CSGALNACT1: variants seen among roughly 807,000 people sequenced by gnomAD.
CSGALNACT1 encodes beta4GalNAcT-1.
Under a neutral mutation model 51.0 loss-of-function variants are expected in CSGALNACT1, and 52 were observed. The ratio of observed to expected loss-of-function variants is 1.02; its 90% CI spans 0.82 to 1.29. The LOEUF is 1.29. Ranked by LOEUF, CSGALNACT1 falls within the 50% of genes most tolerant of loss-of-function variation. The pLI is 0.00. For missense variants in CSGALNACT1, 935 were observed against 679.2 expected, an observed-to-expected ratio of 1.38 and a Z score of -4.19; for synonymous variants, 341 against 254.4, an observed-to-expected ratio of 1.34 and a Z score of -3.24.
intron 4 of CSGALNACT1, among the ~76,000 whole-genome samples, chr8:19,460,816 T>C (rs932747406): frequency 6.6e-5 from 10 of 152,204 alleles, no homozygotes; most frequent in African/African-American, 2.4e-4. Flanking sequence ...CTCTTCTCTG[T>C]TTTTTGCCTT....
Position 19,455,906 on chromosome 8 carries a change from G to C in CSGALNACT1, c.851+2520C>G, listed in dbSNP as rs2063986611. 2.0e-5 allele frequency among the ~76,000 whole-genome samples: 3 copies of C among 152,328 alleles called. No homozygotes were observed. The South Asian group carries it at 6.2e-4, about 32-fold the overall frequency. On this transcript the variant is annotated intron_variant, in intron 5 of 9. Coordinates refer to ENST00000454498, the Ensembl canonical transcript of CSGALNACT1. The stretch of plus-strand genomic sequence containing the variant: ...CACCTTGGTAGCATGTCTAGCACAT[G>C]CAAAAGGCTCTCAAAACATCCTCTC...
chr8:19,426,809 G>A (rs1195481670), intron 6 of CSGALNACT1, among the ~76,000 whole-genome samples: 2 of 152,028 alleles, frequency 1.3e-5, no homozygotes, highest in Non-Finnish European at 2.9e-5. Flanking sequence ...CAGAATTACT[G>A]GATTAAAAAC....
intron 6 of CSGALNACT1, among the ~76,000 whole-genome samples, chr8:19,434,200 A>G (rs2060044212): frequency 6.6e-6 from 1 of 152,062 alleles, no homozygotes; most frequent in South Asian, 2.1e-4. Context: ...CCTTTACTCC[A>G]TTTTCACTGC....
At chr8:19,562,081 G>A (rs1385916232) in intron 3 of CSGALNACT1, among the ~76,000 whole-genome samples, 1 of 152,130 alleles carries the variant, frequency 6.6e-6, no homozygotes, top group African/African-American at 2.4e-5. Flanking sequence ...ATGGGTCCTG[G>A]GGGAGGAAAG....
At chr8:19,562,097 G>A (rs1588373309) in intron 3 of CSGALNACT1, among the ~76,000 whole-genome samples, 3 of 152,280 alleles carry the variant, frequency 2.0e-5, no homozygotes. Context: ...GAAAGCTGCT[G>A]TGGTCCCACT....
chr8:19,470,145 C>T (rs1008131871), intron 4 of CSGALNACT1, among the ~76,000 whole-genome samples: 3 of 152,098 alleles, frequency 2.0e-5, no homozygotes, highest in Admixed American at 6.5e-5. Context: ...ACCTACAACC[C>T]CGCAAAGTAC....
intron 3 of CSGALNACT1, among the ~76,000 whole-genome samples, chr8:19,535,510 T>G (rs1461155053): frequency 6.6e-6 from 1 of 152,228 alleles, no homozygotes; most frequent in African/African-American, 2.4e-5. Context: ...TATAAACTAG[T>G]TCTCAAAATC....
At chr8:19,448,859 CTCTA>C (rs1207349436) in intron 5 of CSGALNACT1, among the ~76,000 whole-genome samples, 1 of 152,156 alleles carries the variant, frequency 6.6e-6, no homozygotes, top group African/African-American at 2.4e-5. Context: ...TGTTCCCAAA[CTCTA>C]TCTGTAGTCT....
At chr8:19,631,596 G>T (rs977209524) in intron 1 of CSGALNACT1, among the ~76,000 whole-genome samples, 21 of 152,184 alleles carry the variant, frequency 1.4e-4, no homozygotes, top group Non-Finnish European at 2.1e-4. Context: ...CTGAAGGAAA[G>T]GCTGATATTA....
intron 2 of CSGALNACT1, among the ~76,000 whole-genome samples, chr8:19,594,843 C>T (rs1413516485): frequency 6.6e-6 from 1 of 152,134 alleles, no homozygotes; most frequent in Non-Finnish European, 1.5e-5. Flanking sequence ...TGAGCCACCA[C>T]ACCCGGACTT....
chr8:19,456,530 C>A (rs1336314217), intron 5 of CSGALNACT1, among the ~76,000 whole-genome samples: 2 of 152,224 alleles, frequency 1.3e-5, no homozygotes, highest in East Asian at 3.8e-4. Context: ...CAGGTTCAGT[C>A]ATTCTGGAGA....
At chr8:19,718,229 G>C (rs2154237997) in intron 1 of CSGALNACT1, among the ~76,000 whole-genome samples, 1 of 152,248 alleles carries the variant, frequency 6.6e-6, no homozygotes, top group African/African-American at 2.4e-5. Context: ...AAGTAGCTGG[G>C]ATTACAGGTG....
At chr8:19,706,328 T>C (rs2062161983) in intron 1 of CSGALNACT1, among the ~76,000 whole-genome samples, 1 of 152,190 alleles carries the variant, frequency 6.6e-6, no homozygotes, top group Non-Finnish European at 1.5e-5. Context: ...ATCTGTATTG[T>C]CATAAAGAGA....
At chr8:19,474,763 G>T (rs1036671177) in intron 4 of CSGALNACT1, among the ~76,000 whole-genome samples, 12 of 151,564 alleles carry the variant, frequency 7.9e-5, no homozygotes, top group Non-Finnish European at 1.8e-4. Context: ...AGCTACTCAG[G>T]AGGCTAGGTA....
At position 19,753,693 on chromosome 8, in the gene CSGALNACT1, G is replaced by A. The variant is rs28694703; in HGVS notation, c.-297+4157C>T. Among the ~76,000 whole-genome samples the A allele has an allele frequency of 6.1e-3, 923 of 152,188 alleles. 6 individuals are homozygous for A. Among genetic ancestry groups the A allele is most frequent in the African/African-American group, 0.021 (856 of 41,496 alleles). On this transcript the variant is annotated intron_variant, in intron 1 of 1. Transcript: ENST00000517494. ...TTTCTAATTTTACTTACAGATTAAA[G>A]GTATTTAGTTTGTCACTCGAATTAA...
At position 19,680,464 on chromosome 8, in the gene CSGALNACT1, G is replaced by A. The variant is rs556979013; in HGVS notation, c.-544+2009C>T. ...CCAGCTACCTGGGAGGCTGAGGCAG[G>A]ACAATCACTTGAACCCAGGAGGTGG... On this transcript the variant is annotated intron_variant, in intron 1 of 9. Coordinates refer to the CSGALNACT1 transcript ENST00000332246. Among the ~76,000 whole-genome samples the A allele has an allele frequency of 6.0e-5, 9 of 150,048 alleles. No homozygotes were observed. In the East Asian group the frequency reaches 1.8e-3, roughly 30 times the overall value.
At chr8:19,443,481 C>G (rs1287257217) in intron 5 of CSGALNACT1, among the ~76,000 whole-genome samples, 1 of 152,118 alleles carries the variant, frequency 6.6e-6, no homozygotes, top group Non-Finnish European at 1.5e-5. Flanking sequence ...ACTCACAGTT[C>G]CACATGGATG....
At chr8:19,626,938 C>T (rs981964843) in intron 1 of CSGALNACT1, among the ~76,000 whole-genome samples, 1 of 152,172 alleles carries the variant, frequency 6.6e-6, no homozygotes, top group Non-Finnish European at 1.5e-5. Context: ...AACTGGGTCC[C>T]TCACACATTG....
intron 3 of CSGALNACT1, among the ~76,000 whole-genome samples, chr8:19,589,044 C>T (rs963531121): frequency 4.6e-5 from 7 of 152,192 alleles, no homozygotes; most frequent in Non-Finnish European, 8.8e-5. Context: ...ATCCCAGGGT[C>T]ACGGAGCTCT....
Sources: gnomAD v4.1 joint callset for allele counts (sites outside exome capture counted in the v4.1 genomes callset) on GRCh38, gnomAD v4.1.1 for gene constraint, MANE v1.5 for transcripts, NCBI Gene and HGNC (gene_info 2026-07-23, HGNC 2026-07-21) for gene names.